The following INSL6 variants were observed in gnomAD, a reference collection of about 807,000 sequenced individuals.
INSL6 encodes insulin like 6, also known as insulin-like peptide INSL6.
Under a neutral mutation model 9.4 loss-of-function variants are expected in INSL6, and 16 were observed. That is an observed-to-expected ratio of 1.70 (90% confidence interval 1.15 to 2.59). The LOEUF (loss-of-function observed/expected upper bound fraction) is 2.59, where lower values mean the gene tolerates loss of function less well. Among genes scored for constraint, INSL6 ranks in the 30% most tolerant of loss-of-function variants. The pLI, the probability that INSL6 is intolerant of heterozygous loss-of-function variation, is 0.00. For synonymous variants in INSL6, 154 were observed against 96.9 expected (o/e 1.59, Z -3.46); for missense variants, 391 against 257.3 (o/e 1.52, Z -3.56).
chr9:5,151,505 C>CG (rs1292037938), intron 2 of INSL6, among the ~76,000 whole-genome samples: 10 of 151,234 alleles, frequency 6.6e-5, no homozygotes, highest in South Asian at 2.1e-4. Flanking sequence ...AAAAAATGGA[C>CG]GGGGGGTGGG....
At chr9:5,168,563 C>T (rs183041699) in intron 1 of INSL6, among the ~76,000 whole-genome samples, 7 of 152,052 alleles carry the variant, frequency 4.6e-5, no homozygotes, top group African/African-American at 1.4e-4. Flanking sequence ...ATAAAACCTC[C>T]GAGAACTATG....
At chr9:5,069,991 A>G in the INSL6 span, 1 of 1,608,846 alleles carries the variant, frequency 6.2e-7, no homozygotes, top group African/African-American at 1.3e-5. Context: ...CCAACATTAC[A>G]GAGGCCTACT....
chr9:5,007,686 C>T, the INSL6 span, among the ~76,000 whole-genome samples: 1 of 151,386 alleles, frequency 6.6e-6, no homozygotes. Context: ...TACTTTTGCA[C>T]CAGTCTAATA....
the INSL6 span, among the ~76,000 whole-genome samples, chr9:5,087,638 G>T: frequency 6.6e-6 from 1 of 152,152 alleles, no homozygotes; most frequent in African/African-American, 2.4e-5. Flanking sequence ...AAGTGACAAG[G>T]ATTTAGAAAA....
the INSL6 span, among the ~76,000 whole-genome samples, chr9:5,027,714 C>T: frequency 6.6e-6 from 1 of 152,210 alleles, no homozygotes; most frequent in African/African-American, 2.4e-5. Flanking sequence ...TATTATAAAT[C>T]CTTTGTTGTC....
At chr9:5,084,930 A>G in the INSL6 span, 1 of 568,454 alleles carries the variant, frequency 1.8e-6, no homozygotes, top group African/African-American at 1.9e-5. Flanking sequence ...GAAGCAAACA[A>G]AGTGTATTCC....
At chr9:5,182,616 G>A (rs1039522427) in intron 1 of INSL6, among the ~76,000 whole-genome samples, 1 of 151,976 alleles carries the variant, frequency 6.6e-6, no homozygotes, top group Non-Finnish European at 1.5e-5. Flanking sequence ...GCCCTTTACA[G>A]ACTAGTTGTG....
downstream of INSL6, among the ~76,000 whole-genome samples, chr9:5,120,157 C>A (rs11788963): frequency 0.26 from 40,064 of 152,138 alleles, 5,476 homozygotes; most frequent in Admixed American, 0.3. Context: ...TTGCTGCTTC[C>A]TCCTTCAGAG....
chr9:5,143,633 A>C (rs1824544905), intron 2 of INSL6, among the ~76,000 whole-genome samples: 1 of 150,836 alleles, frequency 6.6e-6, no homozygotes, highest in African/African-American at 2.4e-5. Context: ...TTTTTCAAAT[A>C]AACAGCTCCT....
At chr9:4,993,369 A>C in the INSL6 span, among the ~76,000 whole-genome samples, 2 of 152,288 alleles carry the variant, frequency 1.3e-5, no homozygotes, top group African/African-American at 4.8e-5. Context: ...GGCTGAAAAG[A>C]TTGTTCTGAG....
chr9:5,063,902 A>C, the INSL6 span, among the ~76,000 whole-genome samples: 1 of 152,252 alleles, frequency 6.6e-6, no homozygotes, highest in Non-Finnish European at 1.5e-5. Flanking sequence ...TCACGCGTGT[A>C]ATCCCAGCAC....
At chr9:5,111,126 C>G in the INSL6 span, 89 of 1,155,474 alleles carry the variant, frequency 7.7e-5, no homozygotes, top group Non-Finnish European at 1.1e-4. Context: ...TTGACCCCAG[C>G]TGGACGTTCA....
At chr9:5,064,862 C>G in the INSL6 span, 2 of 1,497,488 alleles carry the variant, frequency 1.3e-6, no homozygotes, top group Admixed American at 2.3e-5. Context: ...GGTGCTATTT[C>G]TTTTTCTTTT....
chr9:5,000,763 T>C, the INSL6 span, among the ~76,000 whole-genome samples: 3 of 152,240 alleles, frequency 2.0e-5, no homozygotes, highest in African/African-American at 7.2e-5. Context: ...AGATACCATC[T>C]TCTTGTTTGA....
the INSL6 span, among the ~76,000 whole-genome samples, chr9:5,056,037 A>G: frequency 0.23 from 35,176 of 151,920 alleles, 4,416 homozygotes; most frequent in South Asian, 0.3. Context: ...TTAGCAAAGC[A>G]CCAGTTACTT....
the INSL6 span, chr9:5,109,675 C>G: frequency 6.6e-6 from 1 of 152,154 alleles, no homozygotes; most frequent in African/African-American, 2.4e-5. Flanking sequence ...GTCATTATCT[C>G]AAACTGACAT....
At chr9:5,044,279 C>T in the INSL6 span, 2 of 656,282 alleles carry the variant, frequency 3.0e-6, no homozygotes, top group African/African-American at 1.9e-5. Flanking sequence ...ATATTTAATA[C>T]TGTTAGCTGT....
chr9:5,085,952 G>A, the INSL6 span: 5 of 1,120,630 alleles, frequency 4.5e-6, no homozygotes, highest in East Asian at 2.4e-5. Context: ...TGAAAGGATC[G>A]GTGTATTTCT....
chr9:5,090,784 G>T, the INSL6 span: 1 of 1,613,166 alleles, frequency 6.2e-7, no homozygotes, highest in East Asian at 2.2e-5. Context: ...CAGGGATCTG[G>T]CAACGAGAAA....
Sources: gnomAD v4.1 joint callset for allele counts (sites outside exome capture counted in the v4.1 genomes callset) on GRCh38, gnomAD v4.1.1 for gene constraint, MANE v1.5 for transcripts, NCBI Gene and HGNC (gene_info 2026-07-23, HGNC 2026-07-21) for gene names.